GULP1: variants seen among roughly 807,000 people sequenced by gnomAD.
GULP1 encodes the protein GULP PTB domain containing engulfment adaptor 1.
Under a neutral mutation model 40.9 loss-of-function variants are expected in GULP1, and 19 were observed. The ratio of observed to expected loss-of-function variants is 0.46; its 90% CI spans 0.32 to 0.68. GULP1 has a LOEUF of 0.68. GULP1 is among the 30% of genes least tolerant of loss of function. The pLI is 0.03. For synonymous variants in GULP1, 119 were observed against 117.6 expected (o/e 1.01, Z -0.08); for missense variants, 312 against 362.2 (o/e 0.86, Z 1.12).
At chr2:188,583,821 A>G (rs1171404413) in intron 9 of GULP1, among the ~76,000 whole-genome samples, 3 of 152,218 alleles carry the variant, frequency 2.0e-5, no homozygotes, top group Admixed American at 2.0e-4. Flanking sequence ...GAATGTTTAT[A>G]TTTAAGAAGG....
chr2:188,539,846 TG>T (rs1689981560), intron 6 of GULP1, among the ~76,000 whole-genome samples: 1 of 152,102 alleles, frequency 6.6e-6, no homozygotes, highest in Admixed American at 6.6e-5. Context: ...AACTCTGAAC[TG>T]AGAAGTTTAA....
At chr2:188,416,461 A>G (rs1244645221) in intron 2 of GULP1, among the ~76,000 whole-genome samples, 1 of 152,166 alleles carries the variant, frequency 6.6e-6, no homozygotes, top group Admixed American at 6.5e-5. Flanking sequence ...AGTGGGTAAA[A>G]TACAGAACAG....
chr2:188,371,201 T>A, intron 1 of GULP1, among the ~76,000 whole-genome samples: 1 of 152,162 alleles, frequency 6.6e-6, no homozygotes, highest in East Asian at 1.9e-4. Context: ...TTATGATTTT[T>A]TTCTGAAGCA....
chr2:188,577,700 T>A (rs1700428770), intron 9 of GULP1, among the ~76,000 whole-genome samples: 2 of 152,070 alleles, frequency 1.3e-5, no homozygotes. Flanking sequence ...AGATAGTAGG[T>A]CTTACAACTA....
chr2:188,443,356 T>A (rs2058098939), intron 2 of GULP1, among the ~76,000 whole-genome samples: 2 of 152,184 alleles, frequency 1.3e-5, no homozygotes, highest in South Asian at 4.1e-4. Flanking sequence ...ACCTCCTGAT[T>A]CGTGAAGCCC....
intron 4 of GULP1, among the ~76,000 whole-genome samples, chr2:188,501,269 C>A (rs1014853913): frequency 1.3e-5 from 2 of 151,804 alleles, no homozygotes; most frequent in South Asian, 2.1e-4. Context: ...CTCATGAGAT[C>A]TGATGGCTTA....
intron 1 of GULP1, chr2:188,297,370 A>C: frequency 2.4e-6 from 1 of 413,138 alleles, no homozygotes; most frequent in Non-Finnish European, 4.8e-6. Flanking sequence ...CTTAGAAGTT[A>C]GATACTACTG....
intron 7 of GULP1, among the ~76,000 whole-genome samples, chr2:188,563,060 G>C (rs1427565016): frequency 6.6e-6 from 1 of 152,006 alleles, no homozygotes; most frequent in Non-Finnish European, 1.5e-5. Context: ...CTTTATGTAA[G>C]AAAAGATAGA....
intron 2 of GULP1, among the ~76,000 whole-genome samples, chr2:188,431,026 A>T (rs187759021): frequency 6.6e-6 from 1 of 152,114 alleles, no homozygotes; most frequent in African/African-American, 2.4e-5. Context: ...AAAATTGACA[A>T]TTTACCCTGT....
intron 1 of GULP1, chr2:188,293,281 C>G (rs1179671219): frequency 6.6e-6 from 1 of 152,168 alleles, no homozygotes; most frequent in African/African-American, 2.4e-5. Flanking sequence ...TTTACATGCA[C>G]TATTTCAATC....
Position 188,319,736 on chromosome 2 carries a change from C to T in GULP1, c.-172+27570C>T, listed in dbSNP as rs547871661. Among the ~76,000 whole-genome samples the T allele has an allele frequency of 4.7e-4, 71 of 152,220 alleles. 1 individual carries two copies. Among genetic ancestry groups the T allele is most frequent in the African/African-American group, 1.7e-3 (69 of 41,536 alleles). ...GTGTGTGATCATTACTACAGCATGACCCCATATTGCATTTCTCATATTAGC... is the reference window on the plus strand; with the variant it reads ...GTGTGTGATCATTACTACAGCATGATCCCATATTGCATTTCTCATATTAGC... On this transcript the variant is annotated intron_variant, in intron 1 of 11. Transcript: ENST00000409830.
intron 9 of GULP1, among the ~76,000 whole-genome samples, chr2:188,578,870 T>C (rs977451829): frequency 2.6e-5 from 4 of 152,082 alleles, no homozygotes; most frequent in African/African-American, 7.2e-5. Context: ...TTCTCAACAA[T>C]GTATTTAATT....
intron 7 of GULP1, among the ~76,000 whole-genome samples, chr2:188,566,794 CAAAAAAAAAAAA>C (rs11350294): frequency 4.5e-4 from 12 of 26,918 alleles, no homozygotes; most frequent in Admixed American, 3.0e-3. Context: ...GACTCCATCT[CAAAAAAAAAAAA>C]AAAAAAAAAA....
At chr2:188,513,692 G>T (rs959719789) in intron 4 of GULP1, among the ~76,000 whole-genome samples, 2 of 151,824 alleles carry the variant, frequency 1.3e-5, no homozygotes, top group Non-Finnish European at 2.9e-5. Flanking sequence ...AAACCTTGTT[G>T]CATTTTCCAG....
rs529883708 is a variant in GULP1 at position 188,476,167 on chromosome 2, T to C, written c.-44-1492T>C. Among the ~76,000 whole-genome samples the C allele has an allele frequency of 2.6e-4, 40 of 152,262 alleles. 2 individuals carry two copies. The South Asian group carries it at 6.4e-3, about 24-fold the overall frequency. On this transcript the variant is annotated intron_variant, in intron 2 of 11. Transcript: ENST00000409830. ...GTTACAGAATGTAATGCATTAGAAT[T>C]AGATTCTCTGAGTGATGAGAGTAAC...
intron 1 of GULP1, among the ~76,000 whole-genome samples, chr2:188,364,780 A>G (rs1050545464): frequency 2.8e-5 from 4 of 144,238 alleles, no homozygotes; most frequent in Non-Finnish European, 6.2e-5. Context: ...TATACATGAT[A>G]TATATACATA....
intron 2 of GULP1, among the ~76,000 whole-genome samples, chr2:188,476,453 A>G (rs141576243): frequency 2.2e-4 from 33 of 152,242 alleles, no homozygotes; most frequent in South Asian, 6.2e-4. Context: ...GAACACACCA[A>G]ACTGGGCTCT....
chr2:188,319,095 T>C (rs1288938440), intron 1 of GULP1, among the ~76,000 whole-genome samples: 1 of 152,216 alleles, frequency 6.6e-6, no homozygotes, highest in South Asian at 2.1e-4. Flanking sequence ...GGGAACATGA[T>C]TAAAGCTGTT....
At chr2:188,473,851 G>T (rs1238152250) in intron 2 of GULP1, among the ~76,000 whole-genome samples, 1 of 152,056 alleles carries the variant, frequency 6.6e-6, no homozygotes, top group East Asian at 1.9e-4. Flanking sequence ...AAGGAGTCTT[G>T]CCCCATAGCC....
Sources: gnomAD v4.1 joint callset for allele counts (sites outside exome capture counted in the v4.1 genomes callset) on GRCh38, gnomAD v4.1.1 for gene constraint, MANE v1.5 for transcripts, NCBI Gene and HGNC (gene_info 2026-07-23, HGNC 2026-07-21) for gene names.